HIVEP3: variants seen among roughly 807,000 people sequenced by gnomAD.
HIVEP3 encodes HIVEP zinc finger 3.
A neutral mutation model predicts 152.8 loss-of-function variants in HIVEP3; 49 were observed. The observed-to-expected ratio is 0.32, with a 90% CI of 0.26 to 0.41. The LOEUF (loss-of-function observed/expected upper bound fraction) is 0.41, where lower values mean the gene tolerates loss of function less well. Ranked by LOEUF, HIVEP3 falls within the 10% of genes least tolerant of loss-of-function variation. The pLI, the probability that HIVEP3 is intolerant of heterozygous loss-of-function variation, is 1.00. For missense variants in HIVEP3, 2,790 were observed against 3,103.3 expected, an observed-to-expected ratio of 0.90 and a Z score of 2.40; for synonymous variants, 1,269 against 1,289.0, an observed-to-expected ratio of 0.98 and a Z score of 0.33.
At chr1:41,856,550 G>T (rs1423076816) in intron 1 of HIVEP3, among the ~76,000 whole-genome samples, 1 of 152,208 alleles carries the variant, frequency 6.6e-6, no homozygotes, top group Non-Finnish European at 1.5e-5. Context: ...ACAAGCGGGC[G>T]TTCGCACATG....
chr1:41,592,628 A>G (rs1008416854), intron 3 of HIVEP3, among the ~76,000 whole-genome samples: 1 of 152,172 alleles, frequency 6.6e-6, no homozygotes, highest in African/African-American at 2.4e-5. Context: ...AGGCCCACCT[A>G]CTGGCCCACC....
intron 1 of HIVEP3, among the ~76,000 whole-genome samples, chr1:41,797,679 A>G (rs563408373): frequency 2.4e-4 from 36 of 152,290 alleles, no homozygotes; most frequent in Middle Eastern, 3.4e-3. Flanking sequence ...ACAAATCTAG[A>G]AATACTTGAA....
chr1:41,781,830 C>G (rs1649064745), intron 1 of HIVEP3, among the ~76,000 whole-genome samples: 1 of 152,210 alleles, frequency 6.6e-6, no homozygotes, highest in Non-Finnish European at 1.5e-5. Flanking sequence ...CTGCCATGTC[C>G]TTCTGTCACT....
intron 1 of HIVEP3, among the ~76,000 whole-genome samples, chr1:42,022,539 A>G (rs1645560654): frequency 6.6e-6 from 1 of 152,164 alleles, no homozygotes; most frequent in Non-Finnish European, 1.5e-5. Context: ...CATATTTGTC[A>G]CAATCTCCCA....
chr1:41,700,791 G>T, intron 2 of HIVEP3, 125 bp downstream of exon 2: 1 of 236,350 alleles, frequency 4.2e-6, no homozygotes, highest in Non-Finnish European at 6.9e-6. Flanking sequence ...TAGCGTGTGG[G>T]GCTCCATTCT....
chr1:41,598,590 A>G (rs1262219217), intron 3 of HIVEP3, among the ~76,000 whole-genome samples: 1 of 152,220 alleles, frequency 6.6e-6, no homozygotes, highest in Admixed American at 6.5e-5. Context: ...CGATCACTCT[A>G]CTGCAACTCA....
At chr1:41,657,875 G>C (rs1645653143) in intron 2 of HIVEP3, among the ~76,000 whole-genome samples, 1 of 152,208 alleles carries the variant, frequency 6.6e-6, no homozygotes, top group South Asian at 2.1e-4. Flanking sequence ...AGATGGAAAT[G>C]GGAGGCAGAT....
chr1:41,558,345 T>C lies in HIVEP3; in HGVS notation c.5207+17199A>G, dbSNP rs1364543724. 3.9e-5 allele frequency among the ~76,000 whole-genome samples: 6 copies of C among 152,204 alleles called. No individual in the cohort carries two copies. The South Asian group carries it at 1.0e-3, about 26-fold the overall frequency. On this transcript the variant is annotated intron_variant, in intron 5 of 8. Transcript: ENST00000372583. ...ACTTGATTCCCATCCAGGTGTCTCATGGTTAGACTAGCGTAAGCTACAACC... is the reference window on the plus strand; with the variant it reads ...ACTTGATTCCCATCCAGGTGTCTCACGGTTAGACTAGCGTAAGCTACAACC...
intron 2 of HIVEP3, among the ~76,000 whole-genome samples, chr1:41,693,122 C>G (rs1256147787): frequency 6.6e-6 from 1 of 152,168 alleles, no homozygotes; most frequent in Non-Finnish European, 1.5e-5. Context: ...GAAACAAGGT[C>G]TCTCTGATCT....
Position 42,025,527 on chromosome 1 carries a change from G to A in HIVEP3, n.119+10280C>T, listed in dbSNP as rs1344539704. ...CTGGTTTTCTTTTATTCTATTCATT[G>A]CTTCTGTTGTTTCTCGCATCACATT... On this transcript the variant is annotated intron_variant and non_coding_transcript_variant, in intron 1 of 3. Transcript: ENST00000489103. Among the ~76,000 whole-genome samples the A allele has an allele frequency of 2.0e-5, 3 of 152,100 alleles. No individual in the cohort carries two copies. In the East Asian group the frequency reaches 5.8e-4, roughly 29 times the overall value.
At chr1:41,718,090 C>A (rs1334150838) in intron 1 of HIVEP3, among the ~76,000 whole-genome samples, 5 of 152,228 alleles carry the variant, frequency 3.3e-5, no homozygotes, top group South Asian at 2.1e-4. Context: ...GATTCGGAAT[C>A]CCCCAAGCAC....
intron 1 of HIVEP3, among the ~76,000 whole-genome samples, chr1:41,903,927 T>G (rs1644668959): frequency 6.8e-6 from 1 of 147,714 alleles, no homozygotes; most frequent in African/African-American, 2.5e-5. Context: ...TTTGAGACAG[T>G]CTCTTTCTGT....
At chr1:41,538,744 C>T (rs190982785) in intron 5 of HIVEP3, among the ~76,000 whole-genome samples, 9 of 151,940 alleles carry the variant, frequency 5.9e-5, no homozygotes, top group South Asian at 4.2e-4. Flanking sequence ...CAAACACAGC[C>T]GATACCCCAT....
At chr1:41,991,922 G>C (rs12144465) in intron 1 of HIVEP3, among the ~76,000 whole-genome samples, 21,730 of 126,242 alleles carry the variant, frequency 0.17, 1,872 homozygotes, top group South Asian at 0.28. Flanking sequence ...AATAGATGCA[G>C]AAAAAGCCTT....
intron 1 of HIVEP3, among the ~76,000 whole-genome samples, chr1:41,924,968 T>C (rs1644960559): frequency 6.6e-6 from 1 of 152,182 alleles, no homozygotes; most frequent in Non-Finnish European, 1.5e-5. Flanking sequence ...GTCCCTTCCC[T>C]AACTTGGTCA....
At chr1:41,742,169 T>A (rs1647006818) in intron 1 of HIVEP3, among the ~76,000 whole-genome samples, 2 of 152,144 alleles carry the variant, frequency 1.3e-5, no homozygotes, top group African/African-American at 4.8e-5. Context: ...CATCCATCCA[T>A]CCACCCATCC....
At chr1:41,738,165 C>A (rs1646945918) in intron 1 of HIVEP3, among the ~76,000 whole-genome samples, 1 of 152,218 alleles carries the variant, frequency 6.6e-6, no homozygotes. Flanking sequence ...AGAAGGCCTG[C>A]CCCAGGCCTT....
intron 1 of HIVEP3, among the ~76,000 whole-genome samples, chr1:41,927,930 G>A (rs1002975559): frequency 6.6e-6 from 1 of 151,800 alleles, no homozygotes; most frequent in Non-Finnish European, 1.5e-5. Flanking sequence ...GCGTGGTGAC[G>A]TGTGCCTATA....
At chr1:41,773,540 C>A (rs1570506667) in intron 1 of HIVEP3, among the ~76,000 whole-genome samples, 1 of 152,298 alleles carries the variant, frequency 6.6e-6, no homozygotes, top group East Asian at 1.9e-4. Flanking sequence ...AGAATTTTAA[C>A]TGAGGCCTCC....
Sources: gnomAD v4.1 joint callset for allele counts (sites outside exome capture counted in the v4.1 genomes callset) on GRCh38, gnomAD v4.1.1 for gene constraint, MANE v1.5 for transcripts, NCBI Gene and HGNC (gene_info 2026-07-23, HGNC 2026-07-21) for gene names.